Variants in AFG2A observed in about 807,000 individuals in gnomAD.
The protein encoded by AFG2A is AAA ATPase AFG2A.
chr4:122,967,793 G>C, the AFG2A span, among the ~76,000 whole-genome samples: 2 of 151,960 alleles, frequency 1.3e-5, no homozygotes, highest in Non-Finnish European at 2.9e-5. Flanking sequence ...GTGAGTCACT[G>C]CATTCAGCCC....
the AFG2A span, among the ~76,000 whole-genome samples, chr4:122,938,719 T>C: frequency 6.6e-6 from 1 of 152,016 alleles, no homozygotes; most frequent in East Asian, 1.9e-4. Context: ...GCCTCCTGAG[T>C]AGCTGGGACT....
the AFG2A span, among the ~76,000 whole-genome samples, chr4:123,311,541 C>T: frequency 2.0e-5 from 3 of 146,824 alleles, no homozygotes; most frequent in Non-Finnish European, 3.0e-5. Flanking sequence ...GCAGAAGAAT[C>T]GCTTGAACCC....
chr4:123,165,144 C>G, the AFG2A span, among the ~76,000 whole-genome samples: 1 of 151,868 alleles, frequency 6.6e-6, no homozygotes, highest in African/African-American at 2.4e-5. Context: ...TTATTATTCC[C>G]TTTATATGAA....
the AFG2A span, among the ~76,000 whole-genome samples, chr4:123,303,173 T>C: frequency 2.0e-5 from 3 of 152,158 alleles, no homozygotes; most frequent in Non-Finnish European, 4.4e-5. Flanking sequence ...AAAATCCCCA[T>C]AGATGCAAAT....
the AFG2A span, among the ~76,000 whole-genome samples, chr4:122,953,718 C>T: frequency 5.9e-5 from 9 of 152,248 alleles, no homozygotes; most frequent in African/African-American, 2.2e-4. Context: ...CTGTTCCTGC[C>T]ACTACCAGGT....
the AFG2A span, among the ~76,000 whole-genome samples, chr4:123,310,671 G>T: frequency 1.3e-5 from 2 of 152,180 alleles, no homozygotes; most frequent in Non-Finnish European, 2.9e-5. Flanking sequence ...CTTCCACCTG[G>T]CTTAATATAG....
chr4:123,288,959 C>A, the AFG2A span, among the ~76,000 whole-genome samples: 2 of 152,164 alleles, frequency 1.3e-5, no homozygotes, highest in African/African-American at 4.8e-5. Context: ...AGGCTTTTTT[C>A]TACATATTTA....
At chr4:123,003,885 T>C in the AFG2A span, among the ~76,000 whole-genome samples, 1 of 152,140 alleles carries the variant, frequency 6.6e-6, no homozygotes, top group African/African-American at 2.4e-5. Flanking sequence ...GCTGTCTTTT[T>C]GTTTGTCTGT....
the AFG2A span, among the ~76,000 whole-genome samples, chr4:122,971,939 TTGCACCTA>T: frequency 6.6e-6 from 1 of 152,158 alleles, no homozygotes. Context: ...TTTAAGATAT[TTGCACCTA>T]TGTTCATGAG....
chr4:122,928,799 C>G, the AFG2A span, among the ~76,000 whole-genome samples: 7 of 152,022 alleles, frequency 4.6e-5, no homozygotes, highest in Non-Finnish European at 8.8e-5. Flanking sequence ...CATTCTTGAT[C>G]TTTAGAAAAA....
At chr4:123,259,795 C>T in the AFG2A span, among the ~76,000 whole-genome samples, 1 of 152,222 alleles carries the variant, frequency 6.6e-6, no homozygotes, top group Non-Finnish European at 1.5e-5. Context: ...TAACTGGGCT[C>T]ATTACCCCAT....
chr4:123,209,434 C>G, the AFG2A span, among the ~76,000 whole-genome samples: 1 of 151,938 alleles, frequency 6.6e-6, no homozygotes, highest in Admixed American at 6.6e-5. Context: ...TTTTTCAACT[C>G]ATATCCTCCC....
chr4:122,949,164 C>T, the AFG2A span, among the ~76,000 whole-genome samples: 3 of 152,140 alleles, frequency 2.0e-5, no homozygotes, highest in African/African-American at 7.2e-5. Context: ...CCATAGGTTC[C>T]GCCCTTGTGG....
the AFG2A span, among the ~76,000 whole-genome samples, chr4:123,265,610 G>A: frequency 6.3e-3 from 963 of 152,154 alleles, 13 homozygotes; most frequent in African/African-American, 0.022. Context: ...AAAGTGCTGT[G>A]AGTTTACAAG....
At chr4:122,966,343 C>T in the AFG2A span, among the ~76,000 whole-genome samples, 4 of 152,190 alleles carry the variant, frequency 2.6e-5, no homozygotes, top group African/African-American at 9.6e-5. Context: ...TTTATATCCT[C>T]ACATACCTAC....
At chr4:123,278,573 C>G in the AFG2A span, among the ~76,000 whole-genome samples, 1 of 152,054 alleles carries the variant, frequency 6.6e-6, no homozygotes, top group East Asian at 1.9e-4. Flanking sequence ...CTTGCTAACT[C>G]TTTGATGTGA....
At chr4:123,246,196 C>T in the AFG2A span, among the ~76,000 whole-genome samples, 8 of 152,098 alleles carry the variant, frequency 5.3e-5, no homozygotes, top group African/African-American at 1.9e-4. Context: ...GTGGCATTGT[C>T]AAAAGGGGAA....
the AFG2A span, among the ~76,000 whole-genome samples, chr4:123,132,379 T>C: frequency 5.3e-5 from 8 of 152,072 alleles, no homozygotes; most frequent in African/African-American, 1.7e-4. Flanking sequence ...GATCATGTAG[T>C]ACTTGTCCTT....
the AFG2A span, among the ~76,000 whole-genome samples, chr4:123,153,313 T>C: frequency 0.61 from 92,711 of 152,222 alleles, 33,105 homozygotes; most frequent in East Asian, 0.97. Context: ...GCTGCAGATC[T>C]CTGAAGGCTC....
Sources: allele counts gnomAD v4.1 joint callset (sites outside exome capture counted in the v4.1 genomes callset), GRCh38; gene constraint gnomAD v4.1.1; transcripts MANE v1.5; gene names NCBI Gene and HGNC (gene_info 2026-07-23, HGNC 2026-07-21).